Variants in MTHFD1L observed in about 807,000 individuals in gnomAD.
MTHFD1L encodes methylenetetrahydrofolate dehydrogenase (NADP+ dependent) 1 like.
Under a neutral mutation model 119.5 loss-of-function variants are expected in MTHFD1L, and 81 were observed. The observed-to-expected ratio is 0.68, with a 90% CI of 0.57 to 0.82. The LOEUF (loss-of-function observed/expected upper bound fraction) is 0.82. Ranked by LOEUF, MTHFD1L falls within the 40% of genes least tolerant of loss-of-function variation. MTHFD1L has a pLI of 0.00. For synonymous variants in MTHFD1L, 430 were observed against 475.2 expected, an observed-to-expected ratio of 0.90 and a Z score of 1.24; for missense variants, 1,125 against 1,253.4, an observed-to-expected ratio of 0.90 and a Z score of 1.55.
intron 15 of MTHFD1L, among the ~76,000 whole-genome samples, chr6:150,948,258 C>T (rs1794318873): frequency 6.6e-6 from 1 of 151,876 alleles, no homozygotes; most frequent in African/African-American, 2.4e-5. Flanking sequence ...CTGCCCACCT[C>T]CGCCTCCCAA....
chr6:150,988,771 T>C (rs1778663524), intron 20 of MTHFD1L, among the ~76,000 whole-genome samples: 1 of 152,180 alleles, frequency 6.6e-6, no homozygotes, highest in South Asian at 2.1e-4. Flanking sequence ...CACACCCGGC[T>C]AATTTTGTAT....
intron 10 of MTHFD1L, among the ~76,000 whole-genome samples, chr6:150,924,632 C>T (rs549266812): frequency 6.6e-6 from 1 of 152,106 alleles, no homozygotes; most frequent in South Asian, 2.1e-4. Flanking sequence ...GCCACCACCA[C>T]ACCTGGCTAA....
rs567425032 is a variant in MTHFD1L, at chr6:151,085,634, G to A, written c.2848-6833G>A. On this transcript the variant is annotated intron_variant, in intron 26 of 27. Coordinates refer to ENST00000367321, the MANE Select transcript of MTHFD1L (RefSeq NM_015440.5). Reference sequence around the variant, plus strand: ...AAAAATTCAAAAATTACCTGGCCATGGTGGTGGGTGCCTGTAATCCCAGCT... The same window carrying A: ...AAAAATTCAAAAATTACCTGGCCATAGTGGTGGGTGCCTGTAATCCCAGCT... Among the ~76,000 whole-genome samples the A allele has an allele frequency of 3.9e-5, 6 of 152,286 alleles. No individual in the cohort carries two copies. In the East Asian group the frequency reaches 1.2e-3, roughly 29 times the overall value.
chr6:151,084,762 G>A (rs1454294045), intron 26 of MTHFD1L, among the ~76,000 whole-genome samples: 3 of 151,376 alleles, frequency 2.0e-5, no homozygotes, highest in African/African-American at 7.3e-5. Context: ...TCAGGAGATC[G>A]AGACCATCCT....
intron 20 of MTHFD1L, among the ~76,000 whole-genome samples, chr6:150,972,351 T>A (rs1294554377): frequency 6.6e-6 from 1 of 152,212 alleles, no homozygotes; most frequent in Non-Finnish European, 1.5e-5. Flanking sequence ...GCTTCGGTTT[T>A]CTTGTGTGTA....
At chr6:151,030,445 G>A (rs1324188993) in intron 24 of MTHFD1L, among the ~76,000 whole-genome samples, 1 of 152,218 alleles carries the variant, frequency 6.6e-6, no homozygotes, top group East Asian at 1.9e-4. Context: ...GACTTGCCCT[G>A]CGGCTTCTTT....
chr6:150,932,773 CA>C (rs1355020936), intron 11 of MTHFD1L, among the ~76,000 whole-genome samples: 89 of 93,538 alleles, frequency 9.5e-4, no homozygotes, highest in Non-Finnish European at 1.4e-3. Context: ...CATGTGTCTC[CA>C]AAAAAAAAAG....
intron 21 of MTHFD1L, among the ~76,000 whole-genome samples, chr6:151,010,191 G>A (rs186236034): frequency 3.3e-5 from 5 of 152,010 alleles, no homozygotes; most frequent in South Asian, 2.1e-4. Flanking sequence ...TAGTAAGTTC[G>A]AGTAAACAGT....
At chr6:151,071,732 T>C (rs568825154) in intron 26 of MTHFD1L, among the ~76,000 whole-genome samples, 2 of 152,328 alleles carry the variant, frequency 1.3e-5, no homozygotes, top group East Asian at 3.9e-4. Context: ...TGTTGCTCAA[T>C]TTATAAACCT....
rs549614231 is a variant in MTHFD1L at position 150,945,553 on chromosome 6, G to A, written c.1623+12G>A. On this transcript the variant is annotated intron_variant, in intron 15 of 27. Transcript: ENST00000367321. ...TTGCTCGGCTAAAAGTAAGTTTCCA[G>A]TTAGCAATTCTTTAAAAAGAAAATA... 1 of 1,610,010 alleles carries A rather than the reference G, an allele frequency of 6.2e-7. No homozygotes were observed. The highest frequency in any genetic ancestry group is 2.2e-5 in the East Asian group (1 of 44,842).
intron 20 of MTHFD1L, among the ~76,000 whole-genome samples, chr6:150,992,247 A>T (rs1052715082): frequency 3.0e-4 from 45 of 152,356 alleles, no homozygotes; most frequent in African/African-American, 9.6e-4. Flanking sequence ...GGGTATGTCC[A>T]CACTGCTGGA....
intron 20 of MTHFD1L, among the ~76,000 whole-genome samples, chr6:150,980,711 A>G (rs1024354114): frequency 4.6e-5 from 3 of 65,930 alleles, no homozygotes; most frequent in African/African-American, 1.1e-4. Flanking sequence ...CCCTGTCTCT[A>G]AAAAAAAAAA....
At chr6:151,034,116 G>A (rs1261355748) in intron 24 of MTHFD1L, among the ~76,000 whole-genome samples, 1 of 152,006 alleles carries the variant, frequency 6.6e-6, no homozygotes, top group African/African-American at 2.4e-5. Flanking sequence ...GGGAGGTTGA[G>A]GCTGCAGTGG....
intron 20 of MTHFD1L, among the ~76,000 whole-genome samples, chr6:151,003,393 G>A (rs987119101): frequency 6.6e-6 from 1 of 152,120 alleles, no homozygotes; most frequent in African/African-American, 2.4e-5. Context: ...TTAGCCGAGC[G>A]TGGTGGTGGG....
chr6:150,905,254 G>A (rs1785715132), intron 7 of MTHFD1L, among the ~76,000 whole-genome samples: 2 of 151,820 alleles, frequency 1.3e-5, no homozygotes, highest in South Asian at 2.1e-4. Flanking sequence ...GTCTGGTCTC[G>A]AACTCCTGAC....
chr6:150,969,997 T>C (rs1797801511), intron 19 of MTHFD1L, among the ~76,000 whole-genome samples: 1 of 152,228 alleles, frequency 6.6e-6, no homozygotes, highest in Admixed American at 6.5e-5. Flanking sequence ...GTTTTATGTA[T>C]CTAATCATTG....
In MTHFD1L at chr6:150,865,867, G is replaced by C; in HGVS notation, c.45G>C (p.Pro15=). Residue 15 remains proline, a synonymous_variant, in exon 1 of 28, where the codon CCG becomes CCC. Coordinates refer to ENST00000367321, the MANE Select transcript of MTHFD1L (RefSeq NM_015440.5). ...LPLVLRQLRR[P]PQPPGPPRRL... Reference sequence around the variant, plus strand: ...TCGTCCTGCGCCAGCTCCGCCGCCCGCCCCAGCCCCCGGGCCCTCCGCGCC... The same window carrying C: ...TCGTCCTGCGCCAGCTCCGCCGCCCCCCCCAGCCCCCGGGCCCTCCGCGCC... The C allele has an allele frequency of 8.3e-7, 1 of 1,205,208 alleles. No homozygotes were observed. Among genetic ancestry groups the C allele is most frequent in the Non-Finnish European group, 1.0e-6 (1 of 972,996 alleles). The allele number at this position is 1,205,208 out of a possible 1,614,324, so 74.7% of individuals were successfully genotyped here.
At chr6:151,081,751 G>A (rs563842530) in intron 26 of MTHFD1L, among the ~76,000 whole-genome samples, 1 of 152,306 alleles carries the variant, frequency 6.6e-6, no homozygotes, top group East Asian at 1.9e-4. Context: ...GGTCGGAGGG[G>A]CAAGGGTCTA....
At chr6:151,073,249 T>G (rs1360780366) in intron 26 of MTHFD1L, among the ~76,000 whole-genome samples, 1 of 152,102 alleles carries the variant, frequency 6.6e-6, no homozygotes, top group East Asian at 1.9e-4. Context: ...AGCATGCAAG[T>G]GCGTACTGAT....
Sources: gnomAD v4.1 joint callset for allele counts (sites outside exome capture counted in the v4.1 genomes callset) on GRCh38, gnomAD v4.1.1 for gene constraint, MANE v1.5 for transcripts, NCBI Gene and HGNC (gene_info 2026-07-23, HGNC 2026-07-21) for gene names.